Variants in TBC1D32 observed in about 807,000 individuals in gnomAD.
The protein encoded by TBC1D32 is TBC1 domain family member 32.
Under a neutral mutation model 170.3 loss-of-function variants are expected in TBC1D32, and 151 were observed. The observed-to-expected ratio is 0.89, with a 90% CI of 0.78 to 1.01. The LOEUF is 1.01. Among genes scored for constraint, TBC1D32 ranks in the 50% least tolerant of loss-of-function variants. TBC1D32 has a pLI of 0.00. For synonymous variants in TBC1D32, 498 were observed against 488.0 expected, an observed-to-expected ratio of 1.02 and a Z score of -0.27; for missense variants, 1,464 against 1,457.1, an observed-to-expected ratio of 1.00 and a Z score of -0.08.
chr6:121,181,519 A>T (rs1288331885), intron 22 of TBC1D32, among the ~76,000 whole-genome samples: 1 of 152,094 alleles, frequency 6.6e-6, no homozygotes. Flanking sequence ...CAGAACCATA[A>T]GCCAATGAAA....
chr6:121,140,832 C>T (rs543814045), intron 24 of TBC1D32, among the ~76,000 whole-genome samples: 1 of 152,128 alleles, frequency 6.6e-6, no homozygotes, highest in East Asian at 1.9e-4. Flanking sequence ...ATATGGAAGT[C>T]TAACTCAAGA....
chr6:121,129,189 T>G (rs1781162293), intron 25 of TBC1D32, among the ~76,000 whole-genome samples: 1 of 152,226 alleles, frequency 6.6e-6, no homozygotes, highest in Admixed American at 6.5e-5. Context: ...ATCATAACAA[T>G]AACTGATTCC....
At chr6:121,310,468 A>G (rs1808026888) in intron 4 of TBC1D32, among the ~76,000 whole-genome samples, 2 of 151,066 alleles carry the variant, frequency 1.3e-5, no homozygotes, top group Admixed American at 1.3e-4. Context: ...ATGACTAACT[A>G]CAATGTTACA....
At chr6:121,140,456 T>C (rs1782648462) in intron 24 of TBC1D32, among the ~76,000 whole-genome samples, 1 of 151,986 alleles carries the variant, frequency 6.6e-6, no homozygotes, top group Non-Finnish European at 1.5e-5. Flanking sequence ...ATTGGAATGA[T>C]CTGACTGTAA....
At chr6:121,107,330 T>A (rs941825385) in intron 29 of TBC1D32, among the ~76,000 whole-genome samples, 1 of 151,958 alleles carries the variant, frequency 6.6e-6, no homozygotes, top group Non-Finnish European at 1.5e-5. Flanking sequence ...GTTTTTCGGT[T>A]TTATCATTCA....
chr6:121,143,718 C>T (rs759942287), intron 24 of TBC1D32, among the ~76,000 whole-genome samples: 3 of 152,114 alleles, frequency 2.0e-5, no homozygotes. Context: ...AATATTGCTA[C>T]CTTAAGCATA....
rs142235694 is a variant in TBC1D32 at position 121,143,230 on chromosome 6, A to G, written c.2774-11478T>C. Among the ~76,000 whole-genome samples, 314 of 152,288 alleles carry G rather than the reference A, an allele frequency of 2.1e-3. 1 individual carries two copies. The highest frequency in any genetic ancestry group is 7.3e-3 in the African/African-American group (302 of 41,572). ...TGTGATGATCCATACATATACTCAT[A>G]TACATGTATTCAAGTGTACATATAT... On this transcript the variant is annotated intron_variant, in intron 24 of 31. Coordinates refer to ENST00000398212, the MANE Select transcript of TBC1D32 (RefSeq NM_152730.6).
chr6:121,161,164 C>A (rs1785581064), intron 22 of TBC1D32, 108 bp from the exon 23 acceptor site: 8 of 806,762 alleles, frequency 9.9e-6, no homozygotes, highest in Non-Finnish European at 1.2e-5. Context: ...ATTTATCAAT[C>A]TATTTCTTTT....
intron 12 of TBC1D32, among the ~76,000 whole-genome samples, chr6:121,285,458 T>C (rs776808382): frequency 6.6e-6 from 1 of 152,084 alleles, no homozygotes; most frequent in Non-Finnish European, 1.5e-5. Context: ...TTTTGGGGGA[T>C]CTAAGCATGT....
chr6:121,089,813 T>A (rs994498026), intron 31 of TBC1D32, among the ~76,000 whole-genome samples: 1 of 151,986 alleles, frequency 6.6e-6, no homozygotes, highest in Admixed American at 6.5e-5. Context: ...ACATAGAAAC[T>A]GTTTGTTGAC....
intron 3 of TBC1D32, among the ~76,000 whole-genome samples, chr6:121,316,308 G>A (rs894455252): frequency 4.6e-5 from 7 of 152,038 alleles, no homozygotes; most frequent in Admixed American, 2.6e-4. Flanking sequence ...TATTCAGGTG[G>A]TTCAGCAAAT....
At chr6:121,284,280 A>T (rs1180534092) in intron 12 of TBC1D32, among the ~76,000 whole-genome samples, 1 of 152,068 alleles carries the variant, frequency 6.6e-6, no homozygotes, top group Non-Finnish European at 1.5e-5. Context: ...ATCTACACAA[A>T]ACTGTAGAAC....
At position 121,310,831 on chromosome 6, in the gene TBC1D32, T is replaced by C; in HGVS notation, c.512A>G (p.Gln171Arg). ...GTCTAAAATCAATTGTAATTTTCCTTGACAAAATTTGTAACTCTGTAACAC... is the reference window on the plus strand; with the variant it reads ...GTCTAAAATCAATTGTAATTTTCCTCGACAAAATTTGTAACTCTGTAACAC... ...SSLNQSYKFC[Q>R]GKLQLILDQL... The change falls in exon 4 of 32, where the codon CAA (glutamine) becomes CGA (arginine). Residue 171 changes from glutamine to arginine, a missense_variant. By Grantham distance (43) the Gln-to-Arg change is conservative. Coordinates refer to ENST00000398212, the MANE Select transcript of TBC1D32 (RefSeq NM_152730.6). 2.5e-6 allele frequency: 4 copies of C among 1,585,598 alleles called. No homozygotes were observed. Among genetic ancestry groups the C allele is most frequent in the Non-Finnish European group, 3.4e-6 (4 of 1,159,584 alleles).
At chr6:121,194,192 T>C (rs1790429414) in intron 22 of TBC1D32, among the ~76,000 whole-genome samples, 1 of 152,176 alleles carries the variant, frequency 6.6e-6, no homozygotes. Flanking sequence ...TGTGTCCAGT[T>C]GGTCCCCAGA....
chr6:121,306,080 G>A (rs777212664), intron 5 of TBC1D32, among the ~76,000 whole-genome samples: 2 of 152,176 alleles, frequency 1.3e-5, no homozygotes, highest in Admixed American at 6.5e-5. Context: ...AATTGCATCC[G>A]TCGTTAGAGA....
chr6:121,261,950 TG>T (rs2128407052), intron 15 of TBC1D32, among the ~76,000 whole-genome samples: 1 of 152,188 alleles, frequency 6.6e-6, no homozygotes, highest in Non-Finnish European at 1.5e-5. Context: ...AATGACCTGA[TG>T]GAGTTGAAAA....
chr6:121,217,204 A>G (rs1793933617), intron 21 of TBC1D32, among the ~76,000 whole-genome samples: 2 of 152,166 alleles, frequency 1.3e-5, no homozygotes, highest in African/African-American at 4.8e-5. Flanking sequence ...AAATTAACAC[A>G]TCTCCTGGTA....
At chr6:121,127,167 A>G (rs1016968997) in intron 25 of TBC1D32, among the ~76,000 whole-genome samples, 2 of 152,158 alleles carry the variant, frequency 1.3e-5, no homozygotes, top group Non-Finnish European at 2.9e-5. Flanking sequence ...TTTACTCACT[A>G]TGTAAAATTG....
At chr6:121,293,635 G>C (rs899915895) in intron 11 of TBC1D32, among the ~76,000 whole-genome samples, 2 of 152,196 alleles carry the variant, frequency 1.3e-5, no homozygotes, top group Non-Finnish European at 2.9e-5. Context: ...GTTTCTGCAG[G>C]GCGCGGTGGC....
Sources: gnomAD v4.1 joint callset for allele counts (sites outside exome capture counted in the v4.1 genomes callset) on GRCh38, gnomAD v4.1.1 for gene constraint, MANE v1.5 for transcripts, NCBI Gene and HGNC (gene_info 2026-07-23, HGNC 2026-07-21) for gene names.